Variants in ARHGAP44 observed in about 807,000 individuals in gnomAD.
ARHGAP44 encodes Rho GTPase activating protein 44.
In ARHGAP44, 43 loss-of-function variants were observed where a neutral mutation model predicts 106.8. The observed-to-expected ratio is 0.40, with a 90% confidence interval of 0.32 to 0.52. The LOEUF (loss-of-function observed/expected upper bound fraction) is 0.52, where lower values mean the gene tolerates loss of function less well. Among genes scored for constraint, ARHGAP44 ranks in the 20% least tolerant of loss-of-function variants. The probability of loss-of-function intolerance (pLI) is 0.48; values close to 1 mark genes in which losing one functional copy is unlikely to be tolerated. For synonymous variants in ARHGAP44, 439 were observed against 410.3 expected, an observed-to-expected ratio of 1.07 and a Z score of -0.85; for missense variants, 866 against 1,050.5, an observed-to-expected ratio of 0.82 and a Z score of 2.43.
chr17:12,880,592 A>G (rs2150898328), intron 1 of ARHGAP44, among the ~76,000 whole-genome samples: 1 of 152,060 alleles, frequency 6.6e-6, no homozygotes, highest in South Asian at 2.1e-4. Flanking sequence ...TTATTACCAT[A>G]TAATATGACA....
At chr17:12,981,918 C>T (rs1171026083) in intron 19 of ARHGAP44, among the ~76,000 whole-genome samples, 2 of 151,968 alleles carry the variant, frequency 1.3e-5, no homozygotes, top group African/African-American at 2.4e-5. Context: ...GGCTGAGGCA[C>T]AAGAATTGCT....
At chr17:12,966,451 C>T (rs551672220) in intron 16 of ARHGAP44, among the ~76,000 whole-genome samples, 8 of 152,224 alleles carry the variant, frequency 5.3e-5, no homozygotes, top group African/African-American at 1.7e-4. Context: ...TAAGGTGCTT[C>T]GTCGCTACTT....
chr17:12,972,743 G>A (rs1327397620), intron 16 of ARHGAP44, among the ~76,000 whole-genome samples: 2 of 150,616 alleles, frequency 1.3e-5, no homozygotes, highest in Non-Finnish European at 3.0e-5. Context: ...CTCACTGCAA[G>A]CTCCACCTCC....
intron 14 of ARHGAP44, 51 bp downstream of exon 14, chr17:12,956,031 C>T: frequency 7.1e-7 from 1 of 1,410,348 alleles, no homozygotes; most frequent in Non-Finnish European, 1.0e-6. Flanking sequence ...GACTGCAGGG[C>T]CTGAGCAGGG....
At chr17:12,972,797 G>A (rs1203317517) in intron 16 of ARHGAP44, among the ~76,000 whole-genome samples, 5 of 151,014 alleles carry the variant, frequency 3.3e-5, no homozygotes, top group African/African-American at 1.2e-4. Context: ...GAATAGCTGG[G>A]ACTACAGGTG....
chr17:12,797,300 G>A (rs529261614), intron 1 of ARHGAP44, among the ~76,000 whole-genome samples: 1 of 152,216 alleles, frequency 6.6e-6, no homozygotes, highest in Admixed American at 6.5e-5. Flanking sequence ...GTCAGTCATT[G>A]ATTTTGATGT....
intron 3 of ARHGAP44, among the ~76,000 whole-genome samples, chr17:12,903,489 GC>G (rs1330391172): frequency 2.0e-5 from 3 of 152,250 alleles, no homozygotes; most frequent in Non-Finnish European, 2.9e-5. Flanking sequence ...ATTGGGACTG[GC>G]TTTGTCAGTG....
chr17:12,835,132 C>A (rs1255296068), intron 1 of ARHGAP44, among the ~76,000 whole-genome samples: 1 of 152,150 alleles, frequency 6.6e-6, no homozygotes, highest in Non-Finnish European at 1.5e-5. Context: ...CTTTTGGCTG[C>A]AGGGCCTGGC....
At chr17:12,857,700 A>G (rs2035950544) in intron 1 of ARHGAP44, among the ~76,000 whole-genome samples, 1 of 152,182 alleles carries the variant, frequency 6.6e-6, no homozygotes, top group Non-Finnish European at 1.5e-5. Context: ...GGAAATGACT[A>G]GTGACCGTAT....
intron 6 of ARHGAP44, among the ~76,000 whole-genome samples, chr17:12,920,614 G>A (rs2038054303): frequency 6.6e-6 from 1 of 152,116 alleles, no homozygotes; most frequent in South Asian, 2.1e-4. Flanking sequence ...GCATGGCTGG[G>A]GCGGAAGGAG....
At position 12,990,040 on chromosome 17, in the gene ARHGAP44, C is replaced by T. The variant is rs1266289495; in HGVS notation, c.2326C>T (p.His776Tyr). 6.2e-7 allele frequency: 1 copy of T among 1,602,462 alleles called. No homozygotes were observed. The highest frequency in any genetic ancestry group is 8.5e-7 in the Non-Finnish European group (1 of 1,170,132). The stretch of plus-strand genomic sequence containing the variant: ...TCTCTGCCGCCTTCCAGATCTTGTC[C>T]ACTTTGATATTCCCTCGATCCACAT... ...PGESMSTDLV[H>Y]FDIPSIHIEL... Residue 776 changes from histidine (H) to tyrosine (Y), a missense_variant, in exon 21 of 21, where the codon CAC becomes TAC. His to Tyr is a moderately conservative substitution (Grantham distance 83). This residue lies in a region of ARHGAP44 where 418 missense variants were observed against 403.6 expected (regional missense o/e 1.04). Transcript: ENST00000379672.
chr17:12,985,085 C>G (rs1344012032), intron 20 of ARHGAP44, 177 bp downstream of exon 20: 1 of 764,950 alleles, frequency 1.3e-6, no homozygotes, highest in African/African-American at 1.8e-5. Flanking sequence ...GAAAGCAACC[C>G]TGGAATCCAT....
At chr17:12,824,640 A>G (rs2034866701) in intron 1 of ARHGAP44, among the ~76,000 whole-genome samples, 1 of 152,110 alleles carries the variant, frequency 6.6e-6, no homozygotes, top group Non-Finnish European at 1.5e-5. Context: ...TGTCTTCAAT[A>G]CAAGTCTGAT....
At chr17:12,968,160 C>G (rs146944502) in intron 16 of ARHGAP44, among the ~76,000 whole-genome samples, 2 of 152,170 alleles carry the variant, frequency 1.3e-5, no homozygotes, top group Non-Finnish European at 2.9e-5. Context: ...GGCAACGTGG[C>G]GGGGCCCACT....
chr17:12,936,995 C>A lies in ARHGAP44; in HGVS notation c.583-4061C>A, dbSNP rs561987103. On this transcript the variant is annotated intron_variant, in intron 7 of 20. Transcript: ENST00000379672. ...ATAAAAGAAACAGCGGTAAATAGTT[C>A]TTTGGTGATGTGGTAAGGTGTGGGA... is the stretch of plus-strand genomic sequence containing the variant. 3.9e-5 allele frequency among the ~76,000 whole-genome samples: 6 copies of A among 152,230 alleles called. No individual in the cohort carries two copies. In the South Asian group the frequency reaches 1.0e-3, roughly 26 times the overall value.
At chr17:12,972,379 G>A (rs1382723503) in intron 16 of ARHGAP44, among the ~76,000 whole-genome samples, 1 of 152,084 alleles carries the variant, frequency 6.6e-6, no homozygotes, top group Non-Finnish European at 1.5e-5. Flanking sequence ...CAGGCGTGGT[G>A]GCTCACACCT....
intron 4 of ARHGAP44, among the ~76,000 whole-genome samples, chr17:12,914,621 C>G (rs2037847870): frequency 6.6e-6 from 1 of 151,848 alleles, no homozygotes; most frequent in Admixed American, 6.6e-5. Context: ...ATGGTGAAAC[C>G]CCATGTCTAC....
At chr17:12,884,413 T>C (rs1190762568) in intron 1 of ARHGAP44, among the ~76,000 whole-genome samples, 2 of 152,218 alleles carry the variant, frequency 1.3e-5, no homozygotes, top group Admixed American at 1.3e-4. Context: ...TTGTAATGTT[T>C]ATTACATTTT....
At chr17:12,904,857 TG>T (rs1364288741) in intron 3 of ARHGAP44, among the ~76,000 whole-genome samples, 4 of 152,174 alleles carry the variant, frequency 2.6e-5, no homozygotes, top group Non-Finnish European at 2.9e-5. Context: ...TGAGTGAGTG[TG>T]GGAGGGACTT....
Sources: allele counts gnomAD v4.1 joint callset (sites outside exome capture counted in the v4.1 genomes callset), GRCh38; gene constraint gnomAD v4.1.1; regional missense constraint gnomAD v4.1.1; transcripts MANE v1.5; gene names NCBI Gene and HGNC (gene_info 2026-07-23, HGNC 2026-07-21).